MECOM: variants seen among roughly 807,000 people sequenced by gnomAD.
MECOM encodes the protein MDS1 and EVI1 complex locus.
In MECOM, 13 loss-of-function variants were observed where a neutral mutation model predicts 116.3. That is an observed-to-expected ratio of 0.11 (90% CI 0.07 to 0.18). The LOEUF is 0.18. MECOM is among the 10% of genes least tolerant of loss of function. MECOM has a pLI of 1.00. For synonymous variants in MECOM, 528 were observed against 535.2 expected (o/e 0.99, Z 0.19); for missense variants, 1,299 against 1,509.0 (o/e 0.86, Z 2.31).
chr3:169,405,619 G>A (rs1037339132), intron 1 of MECOM, among the ~76,000 whole-genome samples: 1 of 152,120 alleles, frequency 6.6e-6, no homozygotes, highest in African/African-American at 2.4e-5. Context: ...CCACAAACTA[G>A]CCATATTTAG....
chr3:169,610,562 C>T (rs1267124293), intron 1 of MECOM, among the ~76,000 whole-genome samples: 1 of 151,646 alleles, frequency 6.6e-6, no homozygotes, highest in Non-Finnish European at 1.5e-5. Context: ...GGATACTGAG[C>T]ACAGAGGCGT....
chr3:169,463,964 T>C (rs974489064), intron 1 of MECOM: 8 of 152,164 alleles, frequency 5.3e-5, no homozygotes, highest in African/African-American at 1.9e-4. Context: ...CCTTGACTAA[T>C]GAAGGTTCCT....
chr3:169,547,919 G>C (rs947275020), intron 1 of MECOM, among the ~76,000 whole-genome samples: 4 of 152,080 alleles, frequency 2.6e-5, no homozygotes, highest in African/African-American at 9.7e-5. Flanking sequence ...GCACACAATA[G>C]ACTCGCCTCA....
chr3:169,412,188 A>G (rs1737663492), intron 1 of MECOM, among the ~76,000 whole-genome samples: 1 of 151,512 alleles, frequency 6.6e-6, no homozygotes, highest in African/African-American at 2.4e-5. Context: ...TGGGAGGCTG[A>G]GGCGGGAAAA....
At chr3:169,535,903 A>G (rs1759295262) in intron 1 of MECOM, among the ~76,000 whole-genome samples, 1 of 152,222 alleles carries the variant, frequency 6.6e-6, no homozygotes, top group Admixed American at 6.5e-5. Flanking sequence ...GGTTGTTGTG[A>G]GAATTAAAAG....
intron 1 of MECOM, among the ~76,000 whole-genome samples, chr3:169,410,329 G>A (rs1160641600): frequency 2.0e-5 from 3 of 152,230 alleles, no homozygotes; most frequent in Non-Finnish European, 4.4e-5. Flanking sequence ...AATATCAAAC[G>A]TTCTGTCCAT....
intron 1 of MECOM, among the ~76,000 whole-genome samples, chr3:169,586,506 G>A (rs1218527091): frequency 1.3e-5 from 2 of 152,140 alleles, no homozygotes; most frequent in Non-Finnish European, 2.9e-5. Context: ...AGGAATAGGT[G>A]ATCACTGATA....
At chr3:169,332,421 C>T (rs1262885783) in intron 2 of MECOM, among the ~76,000 whole-genome samples, 1 of 151,882 alleles carries the variant, frequency 6.6e-6, no homozygotes, top group Non-Finnish European at 1.5e-5. Context: ...ACAGGCAGGC[C>T]AATGTAAATG....
At position 169,363,492 on chromosome 3, in the gene MECOM, G is replaced by C. The variant is rs543195411; in HGVS notation, c.375+17695C>G. ...CTCTTTCTGGTGCTGCTTCTTGAGCGATCAAGGCACACCTTTGTTTCATTT... is the reference window on the plus strand; with the variant it reads ...CTCTTTCTGGTGCTGCTTCTTGAGCCATCAAGGCACACCTTTGTTTCATTT... On this transcript the variant is annotated intron_variant, in intron 2 of 16. Transcript: ENST00000651503. 4.9e-4 allele frequency among the ~76,000 whole-genome samples: 75 copies of C among 151,992 alleles called. 4 individuals are homozygous for C. The highest frequency in any genetic ancestry group is 1.6e-3 in the African/African-American group (67 of 41,506).
chr3:169,596,132 G>A (rs1767105140), intron 1 of MECOM, among the ~76,000 whole-genome samples: 1 of 152,154 alleles, frequency 6.6e-6, no homozygotes, highest in African/African-American at 2.4e-5. Context: ...TTTCTCAAAA[G>A]GTGTAGTTTA....
chr3:169,381,605 T>G (rs534970405), intron 1 of MECOM, 81 bp from the exon 2 acceptor site: 2 of 1,082,450 alleles, frequency 1.8e-6, no homozygotes, highest in East Asian at 5.2e-5. Context: ...CTTATTATGT[T>G]GTTCTTTGAA....
intron 2 of MECOM, among the ~76,000 whole-genome samples, chr3:169,213,591 G>A (rs1751061207): frequency 2.6e-5 from 4 of 152,104 alleles, no homozygotes; most frequent in African/African-American, 7.2e-5. Flanking sequence ...CAGTTTTAAA[G>A]ATCATAAGAG....
chr3:169,279,840 GC>G (rs1182494479), intron 2 of MECOM, among the ~76,000 whole-genome samples: 1 of 151,930 alleles, frequency 6.6e-6, no homozygotes, highest in African/African-American at 2.4e-5. Flanking sequence ...CAGTCTTACT[GC>G]CCCCTTTGGC....
At chr3:169,632,736 CA>C (rs1772243419) in intron 1 of MECOM, among the ~76,000 whole-genome samples, 1 of 152,228 alleles carries the variant, frequency 6.6e-6, no homozygotes, top group Admixed American at 6.5e-5. Context: ...TCAAATTCTT[CA>C]TGAAATTCAT....
chr3:169,380,674 A>G (rs537770451), intron 2 of MECOM, among the ~76,000 whole-genome samples: 3 of 152,288 alleles, frequency 2.0e-5, no homozygotes, highest in African/African-American at 7.2e-5. Flanking sequence ...ACATTCTGGA[A>G]GCATGTATAA....
intron 1 of MECOM, among the ~76,000 whole-genome samples, chr3:169,488,372 CAAAAA>C (rs758493062): frequency 4.6e-3 from 286 of 62,398 alleles, no homozygotes; most frequent in African/African-American, 0.015. Context: ...ACTAAAAATA[CAAAAA>C]AAAAAAAAAA....
chr3:169,278,147 A>G (rs1254442198), intron 2 of MECOM, among the ~76,000 whole-genome samples: 1 of 152,162 alleles, frequency 6.6e-6, no homozygotes, highest in African/African-American at 2.4e-5. Flanking sequence ...CATTTTCTTC[A>G]TGTTTTTCAT....
chr3:169,438,850 T>A lies in MECOM; in HGVS notation c.38-57326A>T, dbSNP rs530062471. Among the ~76,000 whole-genome samples the A allele has an allele frequency of 3.9e-5, 6 of 152,318 alleles. No individual in the cohort carries two copies. The South Asian group carries it at 1.2e-3, about 32-fold the overall frequency. ...ATTAATCTTCTGTCCATAGTATTTA[T>A]TAATTCATTATTTTCAACCAAAATT... On this transcript the variant is annotated intron_variant, in intron 1 of 16. Coordinates refer to ENST00000651503, the MANE Select transcript of MECOM (RefSeq NM_004991.4).
chr3:169,331,624 A>T (rs1160669878), intron 2 of MECOM, among the ~76,000 whole-genome samples: 1 of 152,186 alleles, frequency 6.6e-6, no homozygotes, highest in Non-Finnish European at 1.5e-5. Context: ...AATCTTAAAC[A>T]CATCATTTAT....
Sources: gnomAD v4.1 joint callset for allele counts (sites outside exome capture counted in the v4.1 genomes callset) on GRCh38, gnomAD v4.1.1 for gene constraint, MANE v1.5 for transcripts, NCBI Gene and HGNC (gene_info 2026-07-23, HGNC 2026-07-21) for gene names.